Variants in CFHR3 observed in about 807,000 individuals in gnomAD.
The protein encoded by CFHR3 is complement factor H-related protein 3.
Under a neutral mutation model 36.0 loss-of-function variants are expected in CFHR3, and 22 were observed. The observed-to-expected ratio is 0.61, with a 90% confidence interval of 0.44 to 0.87. CFHR3 has a LOEUF of 0.87. Among genes scored for constraint, CFHR3 ranks in the 40% least tolerant of loss-of-function variants. The pLI, the probability that CFHR3 is intolerant of heterozygous loss-of-function variation, is 0.00. For missense variants in CFHR3, 276 were observed against 401.3 expected, an observed-to-expected ratio of 0.69 and a Z score of 2.67; for synonymous variants, 97 against 137.4, an observed-to-expected ratio of 0.71 and a Z score of 2.06.
chr1:196,788,389 A>G lies in CFHR3; in HGVS notation c.604A>G (p.Ile202Val), dbSNP rs1462203194. ...CLQNGWSAQPICINSSEKCGP... is the reference protein window; with the variant it reads ...CLQNGWSAQPVCINSSEKCGP... Reference sequence around the variant, plus strand: ...GCAAAATGGATGGTCAGCACAACCAATTTGCATTAGTAAGTGATTTACATA... The same window carrying G: ...GCAAAATGGATGGTCAGCACAACCAGTTTGCATTAGTAAGTGATTTACATA... Residue 202 changes from isoleucine to valine, a missense_variant, in exon 4 of 6, where the codon ATT becomes GTT. Transcript: ENST00000367425. 6 of 1,529,176 alleles carry G rather than the reference A, an allele frequency of 3.9e-6. No individual in the cohort carries two copies. Among genetic ancestry groups the G allele is most frequent in the Middle Eastern group, 1.9e-4 (1 of 5,352 alleles). 94.7% of individuals were successfully genotyped at this position (1,529,176 alleles called of 1,614,324 possible).
At chr1:196,783,323 G>T (rs1654042289) in intron 3 of CFHR3, among the ~76,000 whole-genome samples, 1 of 135,546 alleles carries the variant, frequency 7.4e-6, no homozygotes, top group African/African-American at 3.1e-5. Flanking sequence ...CTCATAAAAT[G>T]AGTTAGGGAG....
Position 196,786,885 on chromosome 1 carries a change from C to T in CFHR3, c.431-1331C>T, listed in dbSNP as rs191121098. On this transcript the variant is annotated intron_variant, in intron 3 of 5. Transcript: ENST00000367425. ...CTCAGATGGAAATGCAGAAATCACCCGTCTTCTGCGTCGCTCACGCTGGGA... is the reference window on the plus strand; with the variant it reads ...CTCAGATGGAAATGCAGAAATCACCTGTCTTCTGCGTCGCTCACGCTGGGA... 1.0e-3 allele frequency among the ~76,000 whole-genome samples: 140 copies of T among 137,418 alleles called. 19 individuals are homozygous for T. In the East Asian group the frequency reaches 0.024, roughly 23 times the overall value. 90.2% of individuals were successfully genotyped at this position (137,418 alleles called of 152,430 possible).
intron 1 of CFHR3, 67 bp downstream of exon 1, chr1:196,775,011 T>G: frequency 3.2e-6 from 4 of 1,241,336 alleles, no homozygotes; most frequent in Non-Finnish European, 4.6e-6. Context: ...TATCTAGCTT[T>G]GTATGTCTAT....
At chr1:196,780,546 G>T (rs1330652316) in intron 3 of CFHR3, among the ~76,000 whole-genome samples, 1 of 136,636 alleles carries the variant, frequency 7.3e-6, no homozygotes, top group Non-Finnish European at 1.6e-5. Flanking sequence ...AGTTTAATTG[G>T]TATTTAATGA....
At position 196,781,573 on chromosome 1, in the gene CFHR3, T is replaced by C. The variant is rs569665972; in HGVS notation, c.430+1600T>C. 2.0e-3 allele frequency among the ~76,000 whole-genome samples: 275 copies of C among 137,256 alleles called. 40 individuals carry two copies. The highest frequency in any genetic ancestry group is 3.4e-3 in the Non-Finnish European group (220 of 64,654). The allele number at this position is 137,256 out of a possible 152,430, so 90.0% of individuals were successfully genotyped here. A position where few individuals can be genotyped will look rare whatever the true frequency, so the allele number is the denominator to read the frequency against. On this transcript the variant is annotated intron_variant, in intron 3 of 5. Coordinates refer to ENST00000367425, the MANE Select transcript of CFHR3 (RefSeq NM_021023.6). The stretch of plus-strand genomic sequence containing the variant: ...GCCAGTGATGGTGAGCATTTTTTCA[T>C]GTGTTTTTTGGCTGCGTAAATGTCT...
rs983258388 is a variant in CFHR3, at chr1:196,783,761, G to C, written c.430+3788G>C. Among the ~76,000 whole-genome samples, 20 of 136,228 alleles carry C rather than the reference G, an allele frequency of 1.5e-4. 6 individuals carry two copies. Among genetic ancestry groups the C allele is most frequent in the African/African-American group, 6.2e-4 (20 of 32,372 alleles). The allele number at this position is 136,228 out of a possible 152,430, so 89.4% of individuals were successfully genotyped here. ...GATCCTTTCAAAAAACCAGCTCCTG[G>C]ATTCATTAATTTTTTGACAGGCTTT... is the stretch of plus-strand genomic sequence containing the variant. On this transcript the variant is annotated intron_variant, in intron 3 of 5. Transcript: ENST00000367425.
rs140135136 is a variant in CFHR3, at chr1:196,779,912, G to A, written c.369G>A (p.Ala123=). The A allele has an allele frequency of 3.1e-5, 47 of 1,533,128 alleles. 8 individuals are homozygous for A. Among genetic ancestry groups the A allele is most frequent in the Middle Eastern group, 3.7e-4 (2 of 5,388 alleles). The allele number at this position is 1,533,128 out of a possible 1,614,324, so 95.0% of individuals were successfully genotyped here. A position where few individuals can be genotyped will look rare whatever the true frequency, so the allele number is the denominator to read the frequency against. ...ACHPGYGLPK[A]QTTVTCTEKG... ...ATCCTGGCTACGGTCTTCCAAAAGC[G>A]CAGACCACAGTTACATGTACGGAGA... The change falls in exon 3 of 6, where the codon GCG becomes GCA. Residue 123 remains alanine, a synonymous_variant. Coordinates refer to ENST00000367425, the MANE Select transcript of CFHR3 (RefSeq NM_021023.6).
chr1:196,784,493 T>G (rs1418378968), intron 3 of CFHR3, among the ~76,000 whole-genome samples: 1 of 136,188 alleles, frequency 7.3e-6, no homozygotes, highest in Non-Finnish European at 1.6e-5. Context: ...GCTCCTGTAT[T>G]GGGTGCATAT....
rs1453805364 is a variant in CFHR3, at chr1:196,792,951, G to C, written c.797-366G>C. 1.5e-5 allele frequency among the ~76,000 whole-genome samples: 2 copies of C among 135,216 alleles called. 1 individual carries two copies. Among genetic ancestry groups the C allele is most frequent in the African/African-American group, 6.3e-5 (2 of 31,950 alleles). 88.7% of individuals were successfully genotyped at this position (135,216 alleles called of 152,430 possible). A position where few individuals can be genotyped will look rare whatever the true frequency, so the allele number is the denominator to read the frequency against. Reference sequence around the variant, plus strand: ...GGAGTGCTTGTAGTCACGGCTTGTCGAATGGGGGAAAGGAGGATAAGTAAC... The same window carrying C: ...GGAGTGCTTGTAGTCACGGCTTGTCCAATGGGGGAAAGGAGGATAAGTAAC... On this transcript the variant is annotated intron_variant, in intron 5 of 5. Transcript: ENST00000367425.
chr1:196,790,784 A>G (rs1654399774), intron 5 of CFHR3, among the ~76,000 whole-genome samples: 1 of 126,704 alleles, frequency 7.9e-6, no homozygotes, highest in Non-Finnish European at 1.6e-5. Flanking sequence ...AAATAAATAA[A>G]ACAGAAGAAG....
chr1:196,792,762 G>T (rs1558204550), intron 5 of CFHR3, among the ~76,000 whole-genome samples: 1 of 123,824 alleles, frequency 8.1e-6, no homozygotes, highest in Non-Finnish European at 1.7e-5. Context: ...ATAACTGATA[G>T]ATATTGAGGT....
In CFHR3 at chr1:196,793,333, T is replaced by G. The variant is rs749859999; in HGVS notation, c.813T>G (p.Thr271=). Residue 271 remains threonine (T), a synonymous_variant, in exon 6 of 6, where the codon ACT becomes ACG. Transcript: ENST00000367425. ...PPRCIHPCII[T]EENMNKNNIK... Reference sequence around the variant, plus strand: ...TGCTTTCAGATCCATGTATAATAACTGAAGAAAACATGAATAAAAATAACA... The same window carrying G: ...TGCTTTCAGATCCATGTATAATAACGGAAGAAAACATGAATAAAAATAACA... The G allele has an allele frequency of 7.3e-6, 11 of 1,513,860 alleles. 2 individuals are homozygous for G. Among genetic ancestry groups the G allele is most frequent in the Non-Finnish European group, 9.8e-6 (11 of 1,119,590 alleles). 93.8% of individuals were successfully genotyped at this position (1,513,860 alleles called of 1,614,324 possible).
intron 5 of CFHR3, among the ~76,000 whole-genome samples, chr1:196,791,804 A>T (rs2124865401): frequency 7.4e-6 from 1 of 135,922 alleles, no homozygotes; most frequent in Non-Finnish European, 1.6e-5. Context: ...TCAGAGATAA[A>T]TTCTGAGTCT....
chr1:196,794,975 C>CT lies in CFHR3; in HGVS notation c.*1463dup, dbSNP rs35917691. The CT allele has an allele frequency of 0.27, 36,689 of 135,462 alleles. 10,081 individuals are homozygous for CT. The highest frequency in any genetic ancestry group is 0.5 in the East Asian group (2,553 of 5,074). The allele number at this position is 135,462 out of a possible 1,614,324, so 8.4% of individuals were successfully genotyped here. On this transcript the variant is annotated 3_prime_UTR_variant, in exon 6 of 6. Coordinates refer to ENST00000367425, the MANE Select transcript of CFHR3 (RefSeq NM_021023.6). Reference sequence around the variant, plus strand: ...TGAAGAATGATATAAGCTATCAAATCTAACTCAGTTTTCAAATAACAGGTT... The same window carrying CT: ...TGAAGAATGATATAAGCTATCAAATCTTAACTCAGTTTTCAAATAACAGGTT...
rs1001595157 is a variant in CFHR3 at position 196,782,803 on chromosome 1, C to G, written c.430+2830C>G. On this transcript the variant is annotated intron_variant, in intron 3 of 5. Coordinates refer to ENST00000367425, the MANE Select transcript of CFHR3 (RefSeq NM_021023.6). ...AATTGAATACCCTTTATTTCTTTCTCCTGAAGGAGATCCCTGGCCAGAACT... is the reference window on the plus strand; with the variant it reads ...AATTGAATACCCTTTATTTCTTTCTGCTGAAGGAGATCCCTGGCCAGAACT... Among the ~76,000 whole-genome samples the G allele has an allele frequency of 8.8e-5, 12 of 136,944 alleles. 4 individuals carry two copies. The South Asian group carries it at 3.0e-3, about 35-fold the overall frequency. 89.8% of individuals were successfully genotyped at this position (136,944 alleles called of 152,430 possible).
chr1:196,785,475 C>T lies in CFHR3; in HGVS notation c.431-2741C>T, dbSNP rs192571227. ...GTAGATTTGGTCTTTTCACATAGTC[C>T]CATATTTCTTGGAGGTTTTGTTCAT... On this transcript the variant is annotated intron_variant, in intron 3 of 5. Transcript: ENST00000367425. Among the ~76,000 whole-genome samples the T allele has an allele frequency of 7.2e-3, 970 of 134,992 alleles. 152 individuals are homozygous for T. Among genetic ancestry groups the T allele is most frequent in the Middle Eastern group, 0.02 (5 of 248 alleles). The allele number at this position is 134,992 out of a possible 152,430, so 88.6% of individuals were successfully genotyped here.
At chr1:196,780,870 A>G (rs1361466439) in intron 3 of CFHR3, among the ~76,000 whole-genome samples, 1 of 132,576 alleles carries the variant, frequency 7.5e-6, no homozygotes, top group Admixed American at 7.2e-5. Flanking sequence ...TTACATATGT[A>G]TACATGTGCC....
chr1:196,783,630 C>T (rs1654060837), intron 3 of CFHR3, among the ~76,000 whole-genome samples: 2 of 134,548 alleles, frequency 1.5e-5, no homozygotes, highest in Admixed American at 7.1e-5. Context: ...GTTTGTATTT[C>T]TGTGGGATTG....
chr1:196,786,463 C>T (rs1055292956), intron 3 of CFHR3, among the ~76,000 whole-genome samples: 1 of 135,934 alleles, frequency 7.4e-6, no homozygotes, highest in East Asian at 2.0e-4. Context: ...CCACCCAGTT[C>T]GAGCTTCCTG....
Sources: allele counts gnomAD v4.1 joint callset (sites outside exome capture counted in the v4.1 genomes callset), GRCh38; gene constraint gnomAD v4.1.1; transcripts MANE v1.5; gene names NCBI Gene and HGNC (gene_info 2026-07-23, HGNC 2026-07-21).